Variants in SLC44A4 observed in about 807,000 individuals in gnomAD.
The protein encoded by SLC44A4 is choline transporter-like protein 4.
Under a neutral mutation model 97.0 loss-of-function variants are expected in SLC44A4, and 74 were observed. That is an observed-to-expected ratio of 0.76 (90% CI 0.63 to 0.93). The LOEUF is 0.93. Among genes scored for constraint, SLC44A4 ranks in the 40% least tolerant of loss-of-function variants. SLC44A4 has a pLI of 0.00. For synonymous variants in SLC44A4, 325 were observed against 363.8 expected, an observed-to-expected ratio of 0.89 and a Z score of 1.21; for missense variants, 799 against 902.9, an observed-to-expected ratio of 0.88 and a Z score of 1.48.
Position 31,871,373 on chromosome 6 carries a change from G to A in SLC44A4, c.642C>T (p.Ala214=). Residue 214 remains alanine, a synonymous_variant, in exon 9 of 21, where the codon GCC becomes GCT. Coordinates refer to ENST00000229729, the MANE Select transcript of SLC44A4 (RefSeq NM_025257.3). ...GISGLIDSLN[A]RDISVKIFED... is the part of the protein sequence containing the mutation. The stretch of plus-strand genomic sequence containing the variant: ...CAAAGATCTTAACACTGATGTCTCG[G>A]GCATTGAGGCTGTCAATAAGACCGC... 6.2e-7 allele frequency: 1 copy of A among 1,614,164 alleles called. No individual in the cohort carries two copies. The highest frequency in any genetic ancestry group is 8.5e-7 in the Non-Finnish European group (1 of 1,180,024).
chr6:31,865,190 C>T lies in SLC44A4; in HGVS notation c.1761-110G>A. The T allele has an allele frequency of 6.5e-7, 1 of 1,527,858 alleles. No individual in the cohort carries two copies. Among genetic ancestry groups the T allele is most frequent in the Non-Finnish European group, 9.1e-7 (1 of 1,102,024 alleles). The allele number at this position is 1,527,858 out of a possible 1,614,324, so 94.6% of individuals were successfully genotyped here. A position where few individuals can be genotyped will look rare whatever the true frequency, so the allele number is the denominator to read the frequency against. On this transcript the variant is annotated intron_variant, in intron 17 of 20. Transcript: ENST00000229729. This position sits in a 1 kb window ranked among gnomAD's most constrained non-coding sequence, Gnocchi z 5.2. ...TGCAAAATGAAAATTGTTCACGTTT[C>T]AAGATGGCAAGAGCAGAGCACTAAA...
rs753217038 is a variant in SLC44A4, at chr6:31,876,148, G to A, written c.90-19C>T. 5.1e-5 allele frequency: 82 copies of A among 1,603,636 alleles called. No individual in the cohort carries two copies. Among genetic ancestry groups the A allele is most frequent in the Non-Finnish European group, 6.3e-5 (74 of 1,173,234 alleles). On this transcript the variant is annotated intron_variant, in intron 2 of 20. Transcript: ENST00000229729. The surrounding 1 kb of genome is among the most constrained non-coding windows in gnomAD (Gnocchi z 4.8). The stretch of plus-strand genomic sequence containing the variant: ...GCAGCTTCTGAGAGAGAAACGAAAC[G>A]GGAGGCTGAGCTAAGGAGACTTGGG...
In SLC44A4 at chr6:31,865,834, C is replaced by T. The variant is rs909146731; in HGVS notation, c.1487+39G>A. ...AGACAGCTCCAGGACCCCTGGGGCC[C>T]CCGTGCCTACAATGACCAGGCCCCT... On this transcript the variant is annotated intron_variant, in intron 14 of 20. Coordinates refer to ENST00000229729, the MANE Select transcript of SLC44A4 (RefSeq NM_025257.3). The surrounding 1 kb of genome is among the most constrained non-coding windows in gnomAD (Gnocchi z 5.2). 4 of 1,613,748 alleles carry T rather than the reference C, an allele frequency of 2.5e-6. No individual in the cohort carries two copies. In the African/African-American group the frequency reaches 5.3e-5, roughly 22 times the overall value.
rs762202451 is a variant in SLC44A4, at chr6:31,863,768, G to T, written c.2012-20C>A. The T allele has an allele frequency of 6.2e-7, 1 of 1,611,678 alleles. No homozygotes were observed. Among genetic ancestry groups the T allele is most frequent in the Non-Finnish European group, 8.5e-7 (1 of 1,179,646 alleles). On this transcript the variant is annotated intron_variant, in intron 20 of 20. Transcript: ENST00000229729. ...CTTCCACTGAGCCGCAACAGAGACC[G>T]GTTAGAGCGGACCCTGGGGCCAGGA...
chr6:31,865,330 A>T lies in SLC44A4; in HGVS notation c.1745T>A (p.Met582Lys). 1.2e-6 allele frequency: 2 copies of T among 1,614,044 alleles called. No individual in the cohort carries two copies. Among genetic ancestry groups the T allele is most frequent in the South Asian group, 1.1e-5 (1 of 91,082 alleles). ...GCAGCCTAACCTGACAATGTTTCGCATGAGTAGCATGAACGCATTTTTGGC... is the reference window on the plus strand; with the variant it reads ...GCAGCCTAACCTGACAATGTTTCGCTTGAGTAGCATGAACGCATTTTTGGC... ...VSAKNAFMLL[M>K]RNIVRVVVLD... The change falls in exon 17 of 21, where the codon ATG becomes AAG. Residue 582 changes from methionine (M) to lysine (K), a missense_variant. Physicochemically the swap from Met to Lys is moderately conservative, Grantham distance 95. This residue lies in a region of SLC44A4 where 379 missense variants were observed against 438.3 expected (regional missense o/e 0.86). Coordinates refer to ENST00000229729, the MANE Select transcript of SLC44A4 (RefSeq NM_025257.3). This position sits in a 1 kb window ranked among gnomAD's most constrained non-coding sequence, Gnocchi z 5.2.
chr6:31,866,259 AATCAAGTTCTGTCG>A, intron 13 of SLC44A4, 133 bp from the exon 14 acceptor site: 6 of 1,188,062 alleles, frequency 5.1e-6, no homozygotes, highest in Non-Finnish European at 7.0e-6. Flanking sequence ...GGACTGCGGG[AATCAAGTTCTGTCG>A]GAGAGTTCCA....
At position 31,865,714 on chromosome 6, in the gene SLC44A4, C is replaced by T; in HGVS notation, c.1558G>A (p.Glu520Lys). ...CCTCTGAGCTTGTGGTCAATATACT[C>T]CAAGATGACCCGGGCTATCTGCACA... ...TLVQIARVIL[E>K]YIDHKLRGVQ... Residue 520 changes from glutamate to lysine, a missense_variant, in exon 15 of 21, where the codon GAG (glutamate) becomes AAG (lysine). Physicochemically the swap from Glu to Lys is moderately conservative, Grantham distance 56. Coordinates refer to ENST00000229729, the MANE Select transcript of SLC44A4 (RefSeq NM_025257.3). The surrounding 1 kb of genome is among the most constrained non-coding windows in gnomAD (Gnocchi z 5.2). 1.9e-6 allele frequency: 3 copies of T among 1,613,436 alleles called. No homozygotes were observed. The highest frequency in any genetic ancestry group is 2.5e-6 in the Non-Finnish European group (3 of 1,179,986).
intron 11 of SLC44A4, among the ~76,000 whole-genome samples, chr6:31,870,226 T>C (rs1277582323): frequency 6.6e-6 from 1 of 151,958 alleles, no homozygotes; most frequent in Non-Finnish European, 1.5e-5. Context: ...TCGGGTGGAG[T>C]AAGGGAAGAT....
Position 31,876,218 on chromosome 6 carries a change from G to A in SLC44A4, c.90-89C>T. The A allele has an allele frequency of 6.1e-6, 6 of 976,334 alleles. No homozygotes were observed. In the Middle Eastern group the frequency reaches 8.7e-4, roughly 142 times the overall value. The allele number at this position is 976,334 out of a possible 1,614,324, so 60.5% of individuals were successfully genotyped here. A position where few individuals can be genotyped will look rare whatever the true frequency, so the allele number is the denominator to read the frequency against. On this transcript the variant is annotated intron_variant, in intron 2 of 20. Transcript: ENST00000229729. The surrounding 1 kb of genome is among the most constrained non-coding windows in gnomAD (Gnocchi z 4.8). Reference sequence around the variant, plus strand: ...GGAGGGGTTAAGGGTTAGAGAGTTGGGTGATGCTGCAGCATGGGCATCAGT... The same window carrying A: ...GGAGGGGTTAAGGGTTAGAGAGTTGAGTGATGCTGCAGCATGGGCATCAGT...
intron 13 of SLC44A4, among the ~76,000 whole-genome samples, chr6:31,868,724 G>A (rs1007371709): frequency 6.6e-6 from 1 of 152,026 alleles, no homozygotes; most frequent in African/African-American, 2.4e-5. Context: ...TGAGCCTGGG[G>A]GATGGAGGTT....
chr6:31,869,237 T>C lies in SLC44A4; in HGVS notation c.1151A>G (p.Gln384Arg). 6.2e-7 allele frequency: 1 copy of C among 1,608,566 alleles called. No homozygotes were observed. The highest frequency in any genetic ancestry group is 2.2e-5 in the East Asian group (1 of 44,766). Residue 384 changes from glutamine (Q) to arginine (R), a missense_variant, in exon 13 of 21, where the codon CAA becomes CGA. Gln to Arg is a conservative substitution (Grantham distance 43, BLOSUM62 1). Around this residue, in one of 3 missense-constraint regions of SLC44A4, gnomAD observed 379 missense variants for 438.3 expected, o/e 0.86. Transcript: ENST00000229729. ...MTALYLATSG[Q>R]PQYVLWASNI... is the part of the protein sequence containing the mutation. ...GGATGCCCAGAGCACATACTGGGGTTGCCCCGATGTAGCCAGGTACCCAGA... is the reference window on the plus strand; with the variant it reads ...GGATGCCCAGAGCACATACTGGGGTCGCCCCGATGTAGCCAGGTACCCAGA...
rs2075798 is a variant in SLC44A4 at position 31,878,964 on chromosome 6, C to A, written c.17G>T (p.Arg6Leu). 130,448 of 1,613,548 alleles carry A rather than the reference C, an allele frequency of 0.081. 7,091 individuals carry two copies. The highest frequency in any genetic ancestry group is 0.19 in the Admixed American group (11,650 of 59,988). MGGKQRDEDDEAYGKP... is the reference protein window; with the variant it reads MGGKQLDEDDEAYGKP... ...ACCGTAGGCCTCGTCATCCTCGTCCCGCTGCTTTCCCCCCATGGCTCAGTC... is the reference window on the plus strand; with the variant it reads ...ACCGTAGGCCTCGTCATCCTCGTCCAGCTGCTTTCCCCCCATGGCTCAGTC... Residue 6 changes from arginine (R) to leucine (L), a missense_variant, in exon 1 of 21, where the codon CGG becomes CTG. Coordinates refer to ENST00000229729, the MANE Select transcript of SLC44A4 (RefSeq NM_025257.3). The surrounding 1 kb of genome is among the most constrained non-coding windows in gnomAD (Gnocchi z 4.0).
chr6:31,878,806 C>T lies in SLC44A4; in HGVS notation c.40+135G>A. 1 of 1,096,924 alleles carries T rather than the reference C, an allele frequency of 9.1e-7. No homozygotes were observed. The allele number at this position is 1,096,924 out of a possible 1,614,324, so 67.9% of individuals were successfully genotyped here. On this transcript the variant is annotated intron_variant, in intron 1 of 20. Transcript: ENST00000229729. The surrounding 1 kb of genome is among the most constrained non-coding windows in gnomAD (Gnocchi z 4.0). ...CCCTGACTCCCTCCCTCCATGGCTC[C>T]CGGTTCCCGGGCCCTCCCCTCAGGG...
chr6:31,875,844 G>A lies in SLC44A4; in HGVS notation c.242+8C>T, dbSNP rs1763410531. 6.2e-7 allele frequency: 1 copy of A among 1,604,744 alleles called. No individual in the cohort carries two copies. Among genetic ancestry groups the A allele is most frequent in the Non-Finnish European group, 8.5e-7 (1 of 1,174,538 alleles). ...CTCCTGCACTCCTCTTCTCGCCTTTGTACTCACTTGTTCTCCCCCATGCCA... is the reference window on the plus strand; with the variant it reads ...CTCCTGCACTCCTCTTCTCGCCTTTATACTCACTTGTTCTCCCCCATGCCA... On this transcript the variant is annotated splice_region_variant and intron_variant, in intron 4 of 20. Coordinates refer to ENST00000229729, the MANE Select transcript of SLC44A4 (RefSeq NM_025257.3).
chr6:31,871,331 G>T lies in SLC44A4; in HGVS notation c.684C>A (p.Ser228=). 1 of 1,614,154 alleles carries T rather than the reference G, an allele frequency of 6.2e-7. No homozygotes were observed. ...SVKIFEDFAQ[S]WYWILVALGV... ...TGACTCACACAAGAATCCAATACCA[G>T]GACTGGGCAAAATCTTCAAAGATCT... The change falls in exon 9 of 21, where the codon TCC becomes TCA. Residue 228 remains serine, a synonymous_variant. Coordinates refer to ENST00000229729, the MANE Select transcript of SLC44A4 (RefSeq NM_025257.3).
At chr6:31,875,723 G>A in intron 4 of SLC44A4, 129 bp downstream of exon 4, 1 of 790,222 alleles carries the variant, frequency 1.3e-6, no homozygotes, top group Non-Finnish European at 2.0e-6. Context: ...GGAGGCTGAG[G>A]TGGGGTGGGG....
At position 31,870,842 on chromosome 6, in the gene SLC44A4, G is replaced by C. The variant is rs1763124605; in HGVS notation, c.907C>G (p.Gln303Glu). ...LGFTTNLSAY[Q>E]SVQETWLAAL... ...GCCAGCCAGGTCTCCTGCACGCTCTGGTAGGCACTGAGGTTGGTGGTGAAA... is the reference window on the plus strand; with the variant it reads ...GCCAGCCAGGTCTCCTGCACGCTCTCGTAGGCACTGAGGTTGGTGGTGAAA... Residue 303 changes from glutamine to glutamate, a missense_variant, in exon 10 of 21, where the codon CAG becomes GAG. Coordinates refer to ENST00000229729, the MANE Select transcript of SLC44A4 (RefSeq NM_025257.3). 1.2e-6 allele frequency: 2 copies of C among 1,612,954 alleles called. No homozygotes were observed. Among genetic ancestry groups the C allele is most frequent in the Non-Finnish European group, 1.7e-6 (2 of 1,180,028 alleles).
intron 13 of SLC44A4, among the ~76,000 whole-genome samples, chr6:31,866,457 G>T (rs1762879374): frequency 6.6e-6 from 1 of 152,180 alleles, no homozygotes; most frequent in Non-Finnish European, 1.5e-5. Flanking sequence ...ATGATATTAA[G>T]GAATTATTGT....
Position 31,878,085 on chromosome 6 carries a change from C to T in SLC44A4, c.40+856G>A, listed in dbSNP as rs1371879320. 2 of 152,100 alleles carry T rather than the reference C, an allele frequency of 1.3e-5. No homozygotes were observed. The highest frequency in any genetic ancestry group is 1.3e-4 in the Admixed American group (2 of 15,280). The allele number at this position is 152,100 out of a possible 1,614,324, so 9.4% of individuals were successfully genotyped here. A position where few individuals can be genotyped will look rare whatever the true frequency, so the allele number is the denominator to read the frequency against. Reference sequence around the variant, plus strand: ...ACCAGGGGGGCCTCCGCAGGTGAGTCCCCAGCCTTCACTGCTCGTGGGGAT... The same window carrying T: ...ACCAGGGGGGCCTCCGCAGGTGAGTTCCCAGCCTTCACTGCTCGTGGGGAT... On this transcript the variant is annotated intron_variant, in intron 1 of 20. Coordinates refer to ENST00000229729, the MANE Select transcript of SLC44A4 (RefSeq NM_025257.3). This position sits in a 1 kb window ranked among gnomAD's most constrained non-coding sequence, Gnocchi z 4.0.
Sources: allele counts gnomAD v4.1 joint callset (sites outside exome capture counted in the v4.1 genomes callset), GRCh38; gene constraint gnomAD v4.1.1; regional missense constraint gnomAD v4.1.1; non-coding constraint Gnocchi (gnomAD v3.1); transcripts MANE v1.5; gene names NCBI Gene and HGNC (gene_info 2026-07-23, HGNC 2026-07-21).